ANKRD11: variants seen among roughly 807,000 people sequenced by gnomAD.
ANKRD11 encodes the protein ankyrin repeat domain 11, also known as ankyrin repeat domain-containing protein 11.
A neutral mutation model predicts 195.7 loss-of-function variants in ANKRD11; 17 were observed. That is an observed-to-expected ratio of 0.09 (90% CI 0.06 to 0.13). The LOEUF (loss-of-function observed/expected upper bound fraction) is 0.13, where lower values mean the gene tolerates loss of function less well. ANKRD11 is among the 10% of genes least tolerant of loss of function. The probability of loss-of-function intolerance (pLI) is 1.00; values close to 1 mark genes in which losing one functional copy is unlikely to be tolerated. For synonymous variants in ANKRD11, 1,953 were observed against 1,528.1 expected (o/e 1.28, Z -6.49); for missense variants, 3,735 against 3,566.1 (o/e 1.05, Z -1.21).
rs189002402 is a variant in ANKRD11 at position 89,438,465 on chromosome 16, G to A, written c.-144-20097C>T. On this transcript the variant is annotated intron_variant, in intron 1 of 12. Coordinates refer to ENST00000301030, the MANE Select transcript of ANKRD11 (RefSeq NM_013275.6). The stretch of plus-strand genomic sequence containing the variant: ...CACCCGAGTAGCTGGGACTACTGGC[G>A]TGTGCTACCACATCCAGCTAATTTG... 9.3e-4 allele frequency among the ~76,000 whole-genome samples: 141 copies of A among 152,188 alleles called. 1 individual carries two copies. Among genetic ancestry groups the A allele is most frequent in the African/African-American group, 3.3e-3 (136 of 41,518 alleles).
intron 2 of ANKRD11, among the ~76,000 whole-genome samples, chr16:89,325,465 T>TCACACA (rs1279935682): frequency 6.5e-4 from 90 of 139,442 alleles, no homozygotes; most frequent in African/African-American, 2.5e-3. Context: ...TCTCTCTCTC[T>TCACACA]CTCTCACACA....
chr16:89,385,770 G>C (rs1013449747), intron 2 of ANKRD11, among the ~76,000 whole-genome samples: 1 of 152,268 alleles, frequency 6.6e-6, no homozygotes, highest in Non-Finnish European at 1.5e-5. Flanking sequence ...TAACGTGAGT[G>C]GCAGTGAGAC....
chr16:89,471,553 G>A (rs1213639531), intron 1 of ANKRD11, among the ~76,000 whole-genome samples: 1 of 152,178 alleles, frequency 6.6e-6, no homozygotes, highest in Non-Finnish European at 1.5e-5. Flanking sequence ...AGCACTCTGG[G>A]AGGTAGAGGT....
intron 1 of ANKRD11, among the ~76,000 whole-genome samples, chr16:89,463,924 T>C (rs147028568): frequency 1.6e-3 from 245 of 152,258 alleles, no homozygotes; most frequent in Admixed American, 5.2e-3. Flanking sequence ...CAAAAAACAA[T>C]AGTACTGTAG....
chr16:89,290,975 C>CT, intron 5 of ANKRD11, 38 bp downstream of exon 5: 2 of 1,610,286 alleles, frequency 1.2e-6, no homozygotes, highest in Non-Finnish European at 1.7e-6. Context: ...GGCAGAGCCC[C>CT]TTCCCTGCGC....
intron 2 of ANKRD11, among the ~76,000 whole-genome samples, chr16:89,356,589 G>A (rs924946356): frequency 4.1e-5 from 6 of 148,140 alleles, no homozygotes; most frequent in African/African-American, 7.5e-5. Flanking sequence ...GGCTAACACA[G>A]TAAAACCCCA....
rs1435535724 is a variant in ANKRD11, at chr16:89,280,540, T to A, written c.6002A>T (p.His2001Leu). 1 of 1,611,028 alleles carries A rather than the reference T, an allele frequency of 6.2e-7. No individual in the cohort carries two copies. Among genetic ancestry groups the A allele is most frequent in the Non-Finnish European group, 8.5e-7 (1 of 1,179,466 alleles). The change falls in exon 9 of 13, where the codon CAC (histidine) becomes CTC (leucine). Residue 2001 changes from histidine to leucine, a missense_variant. By Grantham distance (99) the His-to-Leu change is moderately conservative. Transcript: ENST00000301030. ...PKRFCPADPL[H>L]SAAPGPFSAS... ...GCTGAAGGGCCCTGGGGCGGCAGAG[T>A]GGAGGGGGTCCGCGGGGCAGAAACG...
chr16:89,329,481 T>G (rs552844093), intron 2 of ANKRD11, among the ~76,000 whole-genome samples: 44 of 152,278 alleles, frequency 2.9e-4, no homozygotes, highest in Middle Eastern at 6.8e-3. Context: ...GTGATGGTGT[T>G]TCCCCAACGG....
chr16:89,355,612 T>A (rs1489694393), intron 2 of ANKRD11, among the ~76,000 whole-genome samples: 1 of 152,056 alleles, frequency 6.6e-6, no homozygotes, highest in African/African-American at 2.4e-5. Flanking sequence ...GACTGAAATG[T>A]CACAGTATCG....
intron 1 of ANKRD11, among the ~76,000 whole-genome samples, chr16:89,463,326 C>A (rs1266788011): frequency 6.6e-6 from 1 of 152,224 alleles, no homozygotes; most frequent in African/African-American, 2.4e-5. Context: ...TTGTTCTGTA[C>A]TAAGAAAACT....
At chr16:89,278,992 G>C in intron 9 of ANKRD11, 80 bp downstream of exon 9, 2 of 1,574,768 alleles carry the variant, frequency 1.3e-6, no homozygotes, top group Non-Finnish European at 1.7e-6. Context: ...GGACAAGACG[G>C]GCTGGAGGAA....
At chr16:89,326,430 A>G (rs1422965426) in intron 2 of ANKRD11, among the ~76,000 whole-genome samples, 4 of 145,472 alleles carry the variant, frequency 2.7e-5, no homozygotes, top group African/African-American at 1.0e-4. Context: ...CCACCCACCC[A>G]CTGCTCAATC....
chr16:89,377,393 A>G (rs962128113), intron 2 of ANKRD11, among the ~76,000 whole-genome samples: 8 of 150,022 alleles, frequency 5.3e-5, no homozygotes, highest in Non-Finnish European at 1.0e-4. Context: ...GGAGAAAACT[A>G]TGTCTGGAGG....
intron 2 of ANKRD11, among the ~76,000 whole-genome samples, chr16:89,330,413 G>C (rs1221424619): frequency 6.6e-6 from 1 of 152,212 alleles, no homozygotes; most frequent in Non-Finnish European, 1.5e-5. Flanking sequence ...CGCACACCGG[G>C]AGGGCTGCTG....
At chr16:89,359,502 A>G (rs1282873097) in intron 2 of ANKRD11, among the ~76,000 whole-genome samples, 1 of 152,210 alleles carries the variant, frequency 6.6e-6, no homozygotes, top group Non-Finnish European at 1.5e-5. Context: ...AGATGGCAGC[A>G]CTGTGACCTC....
Position 89,281,129 on chromosome 16 carries a change from C to G in ANKRD11, c.5413G>C (p.Val1805Leu), listed in dbSNP as rs151288302. 1 of 1,613,106 alleles carries G rather than the reference C, an allele frequency of 6.2e-7. No individual in the cohort carries two copies. The highest frequency in any genetic ancestry group is 1.3e-5 in the African/African-American group (1 of 75,014). The stretch of plus-strand genomic sequence containing the variant: ...TGCTGCCTGAAGAGCTTGTCTCCGA[C>G]GCTGAATTCTTCCTCGGGGGTCCTC... ...IRRTPEEEFS[V>L]GDKLFRQQSV... The change falls in exon 9 of 13, where the codon GTC (valine) becomes CTC (leucine). Residue 1805 changes from valine to leucine, a missense_variant. Physicochemically the swap from Val to Leu is conservative, Grantham distance 32. Coordinates refer to ENST00000301030, the MANE Select transcript of ANKRD11 (RefSeq NM_013275.6). This position sits in a 1 kb window ranked among gnomAD's most constrained non-coding sequence, Gnocchi z 5.5.
intron 2 of ANKRD11, among the ~76,000 whole-genome samples, chr16:89,334,542 T>A (rs1445328034): frequency 6.6e-6 from 1 of 152,044 alleles, no homozygotes. Context: ...CCCACCCATG[T>A]GGGCAGTGGG....
intron 2 of ANKRD11, among the ~76,000 whole-genome samples, chr16:89,379,779 CA>C (rs1311023253): frequency 1.3e-5 from 2 of 152,082 alleles, no homozygotes; most frequent in East Asian, 3.9e-4. Context: ...GTACAACGGG[CA>C]AAGAAGATGT....
chr16:89,379,256 C>A (rs1235488550), intron 2 of ANKRD11, among the ~76,000 whole-genome samples: 1 of 152,202 alleles, frequency 6.6e-6, no homozygotes, highest in Non-Finnish European at 1.5e-5. Flanking sequence ...CTTTTTTAAT[C>A]CTATCTTGAA....
Sources: gnomAD v4.1 joint callset for allele counts (sites outside exome capture counted in the v4.1 genomes callset) on GRCh38, gnomAD v4.1.1 for gene constraint, Gnocchi (gnomAD v3.1) non-coding constraint, MANE v1.5 for transcripts, NCBI Gene and HGNC (gene_info 2026-07-23, HGNC 2026-07-21) for gene names.